The following CAMKMT variants were observed in gnomAD, a reference collection of about 807,000 sequenced individuals.
The protein encoded by CAMKMT is CaM KMT.
Under a neutral mutation model 48.0 loss-of-function variants are expected in CAMKMT, and 53 were observed. The observed-to-expected ratio is 1.10, with a 90% CI of 0.89 to 1.39. The LOEUF (loss-of-function observed/expected upper bound fraction) is 1.39, where lower values mean the gene tolerates loss of function less well. CAMKMT is among the 40% of genes most tolerant of loss of function. CAMKMT has a pLI of 0.00. For missense variants in CAMKMT, 428 were observed against 402.7 expected, an observed-to-expected ratio of 1.06 and a Z score of -0.54; for synonymous variants, 165 against 152.3, an observed-to-expected ratio of 1.08 and a Z score of -0.61.
chr2:44,394,507 A>C (rs959429937), intron 3 of CAMKMT, among the ~76,000 whole-genome samples: 2 of 151,882 alleles, frequency 1.3e-5, no homozygotes, highest in Admixed American at 1.3e-4. Flanking sequence ...GGCTCACTGC[A>C]ACCTCTGCCT....
chr2:44,683,748 A>G (rs1309898906), intron 3 of CAMKMT, among the ~76,000 whole-genome samples: 7 of 139,148 alleles, frequency 5.0e-5, no homozygotes, highest in African/African-American at 8.0e-5. Context: ...GCGTGAACCC[A>G]GGAGGCAGAG....
chr2:44,568,048 G>A (rs1264893498), intron 3 of CAMKMT, among the ~76,000 whole-genome samples: 2 of 151,042 alleles, frequency 1.3e-5, no homozygotes, highest in African/African-American at 4.9e-5. Context: ...CTCTAACTTT[G>A]CCAGGGGCCA....
intron 3 of CAMKMT, among the ~76,000 whole-genome samples, chr2:44,592,091 A>T (rs1186810188): frequency 6.6e-6 from 1 of 152,006 alleles, no homozygotes; most frequent in Non-Finnish European, 1.5e-5. Context: ...GAGGGATAGC[A>T]TTAGGAGATA....
At chr2:44,445,672 T>TCC (rs1558621533) in intron 3 of CAMKMT, among the ~76,000 whole-genome samples, 1 of 105,578 alleles carries the variant, frequency 9.5e-6, no homozygotes, top group Admixed American at 9.7e-5. Flanking sequence ...TTTTTTTTTT[T>TCC]TTTTTTTTTT....
At chr2:44,399,024 CCA>C (rs1682116368) in intron 3 of CAMKMT, among the ~76,000 whole-genome samples, 1 of 152,176 alleles carries the variant, frequency 6.6e-6, no homozygotes, top group Admixed American at 6.5e-5. Flanking sequence ...GGAAAAGTTT[CCA>C]ATCATTCTGT....
At chr2:44,364,175 C>T (rs1678347292) in intron 1 of CAMKMT, among the ~76,000 whole-genome samples, 1 of 152,074 alleles carries the variant, frequency 6.6e-6, no homozygotes, top group Non-Finnish European at 1.5e-5. Context: ...ATAGTAAAAA[C>T]TACAGCACTT....
At chr2:44,444,503 C>G (rs1046742537) in intron 3 of CAMKMT, among the ~76,000 whole-genome samples, 1 of 152,196 alleles carries the variant, frequency 6.6e-6, no homozygotes. Flanking sequence ...TGACACTTCC[C>G]ATACTTGTTC....
intron 3 of CAMKMT, among the ~76,000 whole-genome samples, chr2:44,536,129 A>G (rs1201750785): frequency 6.6e-6 from 1 of 152,214 alleles, no homozygotes; most frequent in Non-Finnish European, 1.5e-5. Flanking sequence ...CAAAGAAAAT[A>G]TCTAGACATA....
chr2:44,362,739 G>C (rs778110913), intron 1 of CAMKMT, among the ~76,000 whole-genome samples: 1 of 152,210 alleles, frequency 6.6e-6, no homozygotes, highest in Non-Finnish European at 1.5e-5. Flanking sequence ...TGATCAGCGA[G>C]ATTCTCCGTG....
At chr2:44,413,617 A>G (rs1683360796) in intron 3 of CAMKMT, among the ~76,000 whole-genome samples, 1 of 151,828 alleles carries the variant, frequency 6.6e-6, no homozygotes, top group African/African-American at 2.4e-5. Flanking sequence ...GCGCCACTGC[A>G]CTTAAGTCAG....
At chr2:44,655,231 T>C (rs901429629) in intron 3 of CAMKMT, among the ~76,000 whole-genome samples, 7 of 152,336 alleles carry the variant, frequency 4.6e-5, no homozygotes, top group South Asian at 2.1e-4. Flanking sequence ...CACATTTTTA[T>C]TATGTATTAA....
chr2:44,546,196 C>T (rs1667391720), intron 3 of CAMKMT, among the ~76,000 whole-genome samples: 1 of 144,114 alleles, frequency 6.9e-6, no homozygotes, highest in Non-Finnish European at 1.5e-5. Flanking sequence ...CACACACACA[C>T]ACACACATAC....
chr2:44,569,373 T>C (rs904147811), intron 3 of CAMKMT, among the ~76,000 whole-genome samples: 8 of 152,204 alleles, frequency 5.3e-5, no homozygotes, highest in African/African-American at 1.9e-4. Context: ...TTCACTAAAT[T>C]TGCATATGTA....
In CAMKMT at chr2:44,370,664, A is replaced by G. The variant is rs556389653; in HGVS notation, c.139-2052A>G. Among the ~76,000 whole-genome samples the G allele has an allele frequency of 2.0e-3, 304 of 151,958 alleles. 1 individual carries two copies. The highest frequency in any genetic ancestry group is 3.4e-3 in the Non-Finnish European group (233 of 67,956). ...TTCATTAACCTGTACTCTTTTAGGGATCTATTTTGCTTATTTTTCAAATTT... is the reference window on the plus strand; with the variant it reads ...TTCATTAACCTGTACTCTTTTAGGGGTCTATTTTGCTTATTTTTCAAATTT... On this transcript the variant is annotated intron_variant, in intron 1 of 10. Coordinates refer to ENST00000378494, the MANE Select transcript of CAMKMT (RefSeq NM_024766.5).
intron 3 of CAMKMT, among the ~76,000 whole-genome samples, chr2:44,532,347 G>C (rs1184781408): frequency 6.6e-6 from 1 of 152,184 alleles, no homozygotes; most frequent in Non-Finnish European, 1.5e-5. Flanking sequence ...TAAATCTGAT[G>C]ATCTGTTAAT....
intron 3 of CAMKMT, among the ~76,000 whole-genome samples, chr2:44,554,284 T>C (rs1008368016): frequency 2.0e-5 from 3 of 152,200 alleles, no homozygotes; most frequent in Non-Finnish European, 4.4e-5. Flanking sequence ...GATAGAGGTA[T>C]GCACTGGATG....
chr2:44,505,328 C>T (rs888683100), intron 3 of CAMKMT, among the ~76,000 whole-genome samples: 6 of 152,180 alleles, frequency 3.9e-5, no homozygotes, highest in Non-Finnish European at 7.3e-5. Flanking sequence ...AATGTTTTCT[C>T]TCAGTCTGCA....
intron 8 of CAMKMT, 113 bp from the exon 9 acceptor site, chr2:44,753,942 C>G: frequency 1.4e-6 from 1 of 740,328 alleles, no homozygotes; most frequent in South Asian, 1.7e-5. Context: ...GAAACAATTT[C>G]TCTTTTTTAG....
At chr2:44,511,236 C>T (rs1670532667) in intron 3 of CAMKMT, among the ~76,000 whole-genome samples, 1 of 152,206 alleles carries the variant, frequency 6.6e-6, no homozygotes, top group South Asian at 2.1e-4. Flanking sequence ...TGAGTTGCTT[C>T]ACTTAGAATA....
Sources: allele counts gnomAD v4.1 joint callset (sites outside exome capture counted in the v4.1 genomes callset), GRCh38; gene constraint gnomAD v4.1.1; transcripts MANE v1.5; gene names NCBI Gene and HGNC (gene_info 2026-07-23, HGNC 2026-07-21).